The following MYOM2 variants were observed in gnomAD, a reference collection of about 807,000 sequenced individuals.
MYOM2 encodes myomesin-2.
A neutral mutation model predicts 187.6 loss-of-function variants in MYOM2; 254 were observed. The observed-to-expected ratio is 1.35, with a 90% CI of 1.22 to 1.50. MYOM2 has a LOEUF of 1.50. Ranked by LOEUF, MYOM2 falls within the 40% of genes most tolerant of loss-of-function variation. The probability of loss-of-function intolerance (pLI) is 0.00; values close to 1 mark genes in which losing one functional copy is unlikely to be tolerated. For synonymous variants in MYOM2, 981 were observed against 753.8 expected (o/e 1.30, Z -4.94); for missense variants, 2,796 against 1,924.0 (o/e 1.45, Z -8.48).
At chr8:2,053,611 C>G (rs1483228198) in intron 3 of MYOM2, among the ~76,000 whole-genome samples, 1 of 152,224 alleles carries the variant, frequency 6.6e-6, no homozygotes, top group African/African-American at 2.4e-5. Context: ...GCCTTGGCTG[C>G]TGGAAATTGT....
intron 6 of MYOM2, among the ~76,000 whole-genome samples, chr8:2,067,721 G>A (rs1585843668): frequency 6.6e-6 from 1 of 150,712 alleles, no homozygotes. Flanking sequence ...CTTGGGTTTT[G>A]TGAGCCTGGC....
Position 2,046,763 on chromosome 8 carries a change from T to TA in MYOM2, c.-13+1595_-13+1596insA, listed in dbSNP as rs1378655562. 5.3e-5 allele frequency among the ~76,000 whole-genome samples: 8 copies of TA among 151,002 alleles called. No individual in the cohort carries two copies. The South Asian group carries it at 6.3e-4, about 12-fold the overall frequency. ...CTCTTTCTTTTTTCTTTTTTTTTTT[T>TA]TTGGTTGGTGTGTGTAGGGGGTATT... On this transcript the variant is annotated intron_variant, in intron 1 of 36. Coordinates refer to ENST00000262113, the MANE Select transcript of MYOM2 (RefSeq NM_003970.4).
intron 27 of MYOM2, among the ~76,000 whole-genome samples, chr8:2,117,631 C>T (rs1034515982): frequency 6.6e-6 from 1 of 152,106 alleles, no homozygotes; most frequent in Non-Finnish European, 1.5e-5. Context: ...ACGCTCCTAC[C>T]AGGAAGCACA....
At chr8:2,060,105 A>C (rs904809766) in intron 6 of MYOM2, among the ~76,000 whole-genome samples, 9 of 152,320 alleles carry the variant, frequency 5.9e-5, no homozygotes, top group Admixed American at 5.9e-4. Context: ...CTGTGCATAC[A>C]CGGTTTTTAC....
At chr8:2,085,094 G>T in intron 13 of MYOM2, 169 bp from the exon 14 acceptor site, 1 of 697,916 alleles carries the variant, frequency 1.4e-6, no homozygotes, top group Non-Finnish European at 2.3e-6. Flanking sequence ...CTTTATTGGT[G>T]CCTTATCCTC....
chr8:2,134,839 A>G (rs1261956142), intron 32 of MYOM2, among the ~76,000 whole-genome samples: 1 of 151,674 alleles, frequency 6.6e-6, no homozygotes, highest in Non-Finnish European at 1.5e-5. Flanking sequence ...TTCCCAACTC[A>G]TCTCATATCT....
intron 31 of MYOM2, among the ~76,000 whole-genome samples, chr8:2,125,206 G>A (rs147365561): frequency 6.6e-5 from 10 of 152,274 alleles, no homozygotes; most frequent in Non-Finnish European, 1.3e-4. Flanking sequence ...TCCTTCCAGC[G>A]GCTTCGCAGT....
intron 18 of MYOM2, among the ~76,000 whole-genome samples, chr8:2,098,376 C>T (rs1007348226): frequency 1.3e-5 from 2 of 152,100 alleles, no homozygotes; most frequent in African/African-American, 4.8e-5. Flanking sequence ...ATGGGCAGCC[C>T]GGGGGCTCTT....
intron 3 of MYOM2, among the ~76,000 whole-genome samples, chr8:2,056,852 A>G (rs1056951856): frequency 6.6e-6 from 1 of 152,228 alleles, no homozygotes; most frequent in Non-Finnish European, 1.5e-5. Context: ...ATAAATCCAC[A>G]GAAGTTCCCT....
intron 18 of MYOM2, 80 bp from the exon 19 acceptor site, chr8:2,098,777 C>T (rs1796581903): frequency 7.2e-7 from 1 of 1,393,578 alleles, no homozygotes; most frequent in Non-Finnish European, 9.7e-7. Flanking sequence ...TTTCACAAGC[C>T]AGTTATAACA....
intron 32 of MYOM2, among the ~76,000 whole-genome samples, chr8:2,139,340 T>G (rs534257423): frequency 6.6e-6 from 1 of 152,194 alleles, no homozygotes; most frequent in East Asian, 1.9e-4. Context: ...AGGGTCTTGC[T>G]TTGTTTTCCA....
intron 32 of MYOM2, among the ~76,000 whole-genome samples, chr8:2,136,425 G>T (rs1362425811): frequency 6.6e-6 from 1 of 152,226 alleles, no homozygotes; most frequent in African/African-American, 2.4e-5. Context: ...TTGGTGTCCA[G>T]TGGACACCAT....
chr8:2,122,206 G>A (rs540348822), intron 28 of MYOM2, among the ~76,000 whole-genome samples: 16 of 152,278 alleles, frequency 1.1e-4, no homozygotes, highest in African/African-American at 2.6e-4. Flanking sequence ...AAAGGGAATC[G>A]TCTGCTAGAG....
chr8:2,086,333 C>T (rs1418593188), intron 14 of MYOM2, among the ~76,000 whole-genome samples: 2,927 of 5,236 alleles, frequency 0.56, 645 homozygotes, highest in African/African-American at 0.68. Flanking sequence ...CTGCGTGGCC[C>T]CCCACTGTTG....
chr8:2,057,619 G>A lies in MYOM2; in HGVS notation c.403-4G>A, dbSNP rs1818713508. 9 of 1,614,032 alleles carry A rather than the reference G, an allele frequency of 5.6e-6. No individual in the cohort carries two copies. The East Asian group carries it at 1.3e-4, about 24-fold the overall frequency. The stretch of plus-strand genomic sequence containing the variant: ...AACCTGACCATCCTTGCTTCTCGGG[G>A]CAGATGGAGGACAAGCTGGCCTGGG... On this transcript the variant is annotated splice_polypyrimidine_tract_variant and splice_region_variant and intron_variant, in intron 4 of 36. Transcript: ENST00000262113.
At chr8:2,104,791 A>G (rs1002389837) in intron 21 of MYOM2, among the ~76,000 whole-genome samples, 4 of 152,082 alleles carry the variant, frequency 2.6e-5, no homozygotes, top group African/African-American at 9.7e-5. Flanking sequence ...CATGGGAGGC[A>G]GCCTTGCTTT....
intron 28 of MYOM2, among the ~76,000 whole-genome samples, chr8:2,120,373 C>T (rs937461822): frequency 2.6e-5 from 4 of 151,712 alleles, no homozygotes; most frequent in Admixed American, 6.6e-5. Context: ...GCCACCTCAG[C>T]GGGGACACTG....
chr8:2,082,809 G>C (rs989324196), intron 13 of MYOM2, among the ~76,000 whole-genome samples: 7 of 152,192 alleles, frequency 4.6e-5, no homozygotes, highest in South Asian at 4.1e-4. Flanking sequence ...TCAGTCATTT[G>C]CTCTGTGCTC....
chr8:2,102,631 C>A, intron 20 of MYOM2, 36 bp from the exon 21 acceptor site: 1 of 1,432,506 alleles, frequency 7.0e-7, no homozygotes, highest in Non-Finnish European at 9.8e-7. Context: ...CTTTATTTTA[C>A]CTCCACACAT....
Sources: gnomAD v4.1 joint callset for allele counts (sites outside exome capture counted in the v4.1 genomes callset) on GRCh38, gnomAD v4.1.1 for gene constraint, MANE v1.5 for transcripts, NCBI Gene and HGNC (gene_info 2026-07-23, HGNC 2026-07-21) for gene names.